The following NELL1 variants were observed in gnomAD, a reference collection of about 807,000 sequenced individuals.
NELL1 encodes the protein neural EGFL like 1, also known as protein kinase C-binding protein NELL1.
In NELL1, 76 loss-of-function variants were observed where a neutral mutation model predicts 107.4. That is an observed-to-expected ratio of 0.71 (90% confidence interval 0.59 to 0.86). The LOEUF (loss-of-function observed/expected upper bound fraction) is 0.86, where lower values mean the gene tolerates loss of function less well. Among genes scored for constraint, NELL1 ranks in the 40% least tolerant of loss-of-function variants. The pLI is 0.00. For synonymous variants in NELL1, 353 were observed against 341.2 expected, an observed-to-expected ratio of 1.03 and a Z score of -0.38; for missense variants, 1,024 against 1,005.5, an observed-to-expected ratio of 1.02 and a Z score of -0.25.
Position 21,208,442 on chromosome 11 carries a change from T to C in NELL1, c.1427-20890T>C, listed in dbSNP as rs530118531. On this transcript the variant is annotated intron_variant, in intron 13 of 19. Coordinates refer to ENST00000357134, the MANE Select transcript of NELL1 (RefSeq NM_006157.5). ...ATGGATATATATTATATATAATATG[T>C]CATATTTAATACATAATTTATATAT... is the stretch of plus-strand genomic sequence containing the variant. Among the ~76,000 whole-genome samples, 207 of 150,072 alleles carry C rather than the reference T, an allele frequency of 1.4e-3. 1 individual carries two copies. Among genetic ancestry groups the C allele is most frequent in the Non-Finnish European group, 9.8e-4 (66 of 67,566 alleles).
chr11:21,166,881 A>G (rs1338420749), intron 13 of NELL1, among the ~76,000 whole-genome samples: 1 of 151,932 alleles, frequency 6.6e-6, no homozygotes, highest in Non-Finnish European at 1.5e-5. Context: ...ATTTAGAGTA[A>G]TTCAAAAAAC....
intron 1 of NELL1, among the ~76,000 whole-genome samples, chr11:20,676,619 T>G (rs1403856669): frequency 6.6e-6 from 1 of 152,212 alleles, no homozygotes; most frequent in Non-Finnish European, 1.5e-5. Context: ...ACCAACCGTC[T>G]GTTGACAGAA....
At chr11:21,411,199 T>C (rs965840233) in intron 15 of NELL1, among the ~76,000 whole-genome samples, 2 of 152,096 alleles carry the variant, frequency 1.3e-5, no homozygotes, top group African/African-American at 4.8e-5. Flanking sequence ...AGTTCTCTAG[T>C]GTAATGTCCA....
At chr11:20,693,575 G>A (rs1022569798) in intron 2 of NELL1, among the ~76,000 whole-genome samples, 6 of 152,028 alleles carry the variant, frequency 3.9e-5, no homozygotes, top group African/African-American at 4.8e-5. Context: ...GAAATTCTGG[G>A]TTGAAAATTC....
chr11:21,308,480 G>A (rs916025470), intron 14 of NELL1, among the ~76,000 whole-genome samples: 3 of 152,004 alleles, frequency 2.0e-5, no homozygotes, highest in African/African-American at 7.2e-5. Context: ...ATATAGGAAT[G>A]AAAATGTGAT....
At chr11:20,913,966 GTATC>G (rs1356991025) in intron 5 of NELL1, among the ~76,000 whole-genome samples, 1 of 151,918 alleles carries the variant, frequency 6.6e-6, no homozygotes, top group Non-Finnish European at 1.5e-5. Flanking sequence ...TGTTTGATTG[GTATC>G]TATCTATTAA....
At chr11:20,810,393 C>T (rs539333817) in intron 3 of NELL1, among the ~76,000 whole-genome samples, 9 of 152,166 alleles carry the variant, frequency 5.9e-5, no homozygotes, top group South Asian at 2.1e-4. Context: ...TCCCCAAGTC[C>T]GCAAAGTCCA....
chr11:21,454,670 G>T (rs954838034), intron 15 of NELL1, among the ~76,000 whole-genome samples: 4 of 152,214 alleles, frequency 2.6e-5, no homozygotes, highest in Non-Finnish European at 4.4e-5. Context: ...AATTCTAGAG[G>T]CTGGAAAGTC....
chr11:21,535,524 A>G (rs1376997359), intron 16 of NELL1, among the ~76,000 whole-genome samples: 4 of 152,200 alleles, frequency 2.6e-5, no homozygotes, highest in Admixed American at 1.3e-4. Flanking sequence ...TTACAGAACA[A>G]TGGCCACGTG....
At chr11:21,407,733 C>T (rs1016885783) in intron 15 of NELL1, among the ~76,000 whole-genome samples, 31 of 150,948 alleles carry the variant, frequency 2.1e-4, no homozygotes, top group Non-Finnish European at 5.9e-5. Context: ...CCCTCTCACC[C>T]ACTTCCCTTG....
At chr11:21,000,095 A>C (rs960186576) in intron 12 of NELL1, among the ~76,000 whole-genome samples, 4 of 152,116 alleles carry the variant, frequency 2.6e-5, no homozygotes, top group Admixed American at 2.0e-4. Context: ...TGATTGACTA[A>C]ATCACAGTGA....
At chr11:20,708,047 G>A (rs1211646349) in intron 2 of NELL1, among the ~76,000 whole-genome samples, 1 of 152,196 alleles carries the variant, frequency 6.6e-6, no homozygotes, top group Non-Finnish European at 1.5e-5. Flanking sequence ...CAGCAATGGT[G>A]AGCGCCCCTC....
At chr11:20,927,786 TA>T (rs1218842001) in intron 8 of NELL1, among the ~76,000 whole-genome samples, 2 of 152,222 alleles carry the variant, frequency 1.3e-5, no homozygotes, top group Non-Finnish European at 2.9e-5. Context: ...AGAATAACTT[TA>T]AAAGGGGAGT....
At chr11:21,332,622 G>C (rs1945439) in intron 14 of NELL1, among the ~76,000 whole-genome samples, 1 of 151,730 alleles carries the variant, frequency 6.6e-6, no homozygotes, top group African/African-American at 2.4e-5. Flanking sequence ...TGGAAGTCCT[G>C]TCTTTGATTT....
chr11:21,322,488 A>T (rs1045809585), intron 14 of NELL1, among the ~76,000 whole-genome samples: 11 of 152,154 alleles, frequency 7.2e-5, no homozygotes, highest in Admixed American at 1.3e-4. Flanking sequence ...ATAATAATAA[A>T]AAATAAATTT....
rs7123716 is a variant in NELL1, at chr11:20,865,365, G to T, written c.506+17612G>T. Among the ~76,000 whole-genome samples, 83 of 152,102 alleles carry T rather than the reference G, an allele frequency of 5.5e-4. 1 individual carries two copies. The East Asian group carries it at 0.012, about 21-fold the overall frequency. Reference sequence around the variant, plus strand: ...CCAAAATGTCACCTCCTTCAAAAGAGGGTGTGCTCAGGTATCACCTGCAAT... The same window carrying T: ...CCAAAATGTCACCTCCTTCAAAAGATGGTGTGCTCAGGTATCACCTGCAAT... On this transcript the variant is annotated intron_variant, in intron 4 of 19. Transcript: ENST00000357134.
At chr11:21,456,598 A>G (rs1027114649) in intron 15 of NELL1, among the ~76,000 whole-genome samples, 3 of 152,076 alleles carry the variant, frequency 2.0e-5, no homozygotes, top group African/African-American at 7.2e-5. Flanking sequence ...GTTTCATTAT[A>G]TTGATCTTCT....
chr11:21,170,268 A>G, intron 13 of NELL1: 1 of 279,168 alleles, frequency 3.6e-6, no homozygotes, highest in Non-Finnish European at 6.7e-6. Context: ...TGGGCCTTGG[A>G]CTGCATATTT....
At chr11:21,412,361 A>T (rs954475916) in intron 15 of NELL1, among the ~76,000 whole-genome samples, 15 of 152,224 alleles carry the variant, frequency 9.9e-5, no homozygotes, top group African/African-American at 3.6e-4. Context: ...GCTATAATTT[A>T]TAAATGCCTA....
Sources: gnomAD v4.1 joint callset for allele counts (sites outside exome capture counted in the v4.1 genomes callset) on GRCh38, gnomAD v4.1.1 for gene constraint, MANE v1.5 for transcripts, NCBI Gene and HGNC (gene_info 2026-07-23, HGNC 2026-07-21) for gene names.